Variants in RNF220 observed in about 807,000 individuals in gnomAD.
RNF220 encodes the protein E3 ubiquitin-protein ligase RNF220.
In RNF220, 7 loss-of-function variants were observed where a neutral mutation model predicts 67.1. That is an observed-to-expected ratio of 0.10 (90% confidence interval 0.06 to 0.20). RNF220 has a LOEUF of 0.20. Ranked by LOEUF, RNF220 falls within the 10% of genes least tolerant of loss-of-function variation. RNF220 has a pLI of 1.00. For synonymous variants in RNF220, 270 were observed against 283.2 expected (o/e 0.95, Z 0.47); for missense variants, 565 against 740.3 (o/e 0.76, Z 2.75).
chr1:44,436,451 A>G (rs1351858766), intron 2 of RNF220, among the ~76,000 whole-genome samples: 2 of 152,144 alleles, frequency 1.3e-5, no homozygotes, highest in African/African-American at 2.4e-5. Context: ...GAAAGAGGAA[A>G]AGGCCCAACA....
chr1:44,551,119 CTTTTTTTTTT>C lies in RNF220; in HGVS notation c.626-63034_626-63025del, dbSNP rs386366846. ...GTTTACTGTCATCTTCACTTCTTGCCTTTTTTTTTTTTTTTTTTTTTGAGGCGCTCTGTCG... is the reference window on the plus strand; with the variant it reads ...GTTTACTGTCATCTTCACTTCTTGCCTTTTTTTTTTTGAGGCGCTCTGTCG... On this transcript the variant is annotated intron_variant, in intron 2 of 14. Coordinates refer to ENST00000361799, the MANE Select transcript of RNF220 (RefSeq NM_018150.4). Among the ~76,000 whole-genome samples the C allele has an allele frequency of 1.1e-4, 11 of 97,482 alleles. No homozygotes were observed. The East Asian group carries it at 3.1e-3, about 27-fold the overall frequency. The allele number at this position is 97,482 out of a possible 152,430, so 64.0% of individuals were successfully genotyped here. A position where few individuals can be genotyped will look rare whatever the true frequency, so the allele number is the denominator to read the frequency against.
rs1644745229 is a variant in RNF220 at position 44,649,897 on chromosome 1, G to A, written c.1569G>A (p.Met523Ile). The A allele has an allele frequency of 6.2e-7, 1 of 1,613,946 alleles. No individual in the cohort carries two copies. Among genetic ancestry groups the A allele is most frequent in the African/African-American group, 1.3e-5 (1 of 74,902 alleles). Residue 523 changes from methionine to isoleucine, a missense_variant, in exon 14 of 15, where the codon ATG (methionine) becomes ATA (isoleucine). Transcript: ENST00000361799. This position sits in a 1 kb window ranked among gnomAD's most constrained non-coding sequence, Gnocchi z 5.9. ...KCLICMDSYSMPLTSIQCWHV... is the reference protein window; with the variant it reads ...KCLICMDSYSIPLTSIQCWHV... The stretch of plus-strand genomic sequence containing the variant: ...CTCCTCCCTAGGACTCGTACTCGAT[G>A]CCCCTAACGTCCATCCAGTGTTGGC...
At chr1:44,509,595 A>C (rs1257859826) in intron 2 of RNF220, among the ~76,000 whole-genome samples, 2 of 151,292 alleles carry the variant, frequency 1.3e-5, no homozygotes, top group Admixed American at 6.6e-5. Context: ...AAGAAAAAGA[A>C]AATACGCATA....
intron 2 of RNF220, among the ~76,000 whole-genome samples, chr1:44,553,920 T>C (rs1662869392): frequency 6.6e-6 from 1 of 152,146 alleles, no homozygotes; most frequent in South Asian, 2.1e-4. Context: ...TGACCACGGC[T>C]GCAGGAGGAG....
Position 44,622,866 on chromosome 1 carries a change from G to C in RNF220, c.804+79G>C. 1 of 1,248,618 alleles carries C rather than the reference G, an allele frequency of 8.0e-7. No individual in the cohort carries two copies. The highest frequency in any genetic ancestry group is 1.2e-6 in the Non-Finnish European group (1 of 854,140). The allele number at this position is 1,248,618 out of a possible 1,614,324, so 77.3% of individuals were successfully genotyped here. A position where few individuals can be genotyped will look rare whatever the true frequency, so the allele number is the denominator to read the frequency against. On this transcript the variant is annotated intron_variant, in intron 4 of 14. Coordinates refer to ENST00000361799, the MANE Select transcript of RNF220 (RefSeq NM_018150.4). This position sits in a 1 kb window ranked among gnomAD's most constrained non-coding sequence, Gnocchi z 4.3. ...AGAACTGGTTCCTCCTGAGAAAAAG[G>C]AGCTTTTCTAGTATCCTCAACTATC...
intron 2 of RNF220, among the ~76,000 whole-genome samples, chr1:44,537,284 T>A (rs555287805): frequency 2.8e-4 from 42 of 152,280 alleles, no homozygotes; most frequent in Non-Finnish European, 4.7e-4. Context: ...TTTGAACATA[T>A]CCAGTGATGG....
intron 2 of RNF220, among the ~76,000 whole-genome samples, chr1:44,605,707 T>C (rs973490024): frequency 3.9e-5 from 6 of 152,112 alleles, no homozygotes; most frequent in Admixed American, 1.3e-4. Flanking sequence ...TGGAGGAGTC[T>C]GGGAAGGCCA....
chr1:44,433,618 G>C (rs1650643106), intron 2 of RNF220, among the ~76,000 whole-genome samples: 1 of 152,162 alleles, frequency 6.6e-6, no homozygotes, highest in Admixed American at 6.5e-5. Context: ...TTTTTGTTTG[G>C]TAAGTGCAAA....
At chr1:44,537,293 G>A (rs143610145) in intron 2 of RNF220, among the ~76,000 whole-genome samples, 10 of 152,136 alleles carry the variant, frequency 6.6e-5, no homozygotes, top group Non-Finnish European at 1.3e-4. Flanking sequence ...ATCCAGTGAT[G>A]GGAATCCTGC....
At chr1:44,441,471 G>A (rs2147898076) in intron 2 of RNF220, among the ~76,000 whole-genome samples, 1 of 152,252 alleles carries the variant, frequency 6.6e-6, no homozygotes, top group East Asian at 1.9e-4. Context: ...TACAGAACAG[G>A]AATAATAAAG....
chr1:44,526,694 C>T (rs1660404637), intron 2 of RNF220, among the ~76,000 whole-genome samples: 1 of 152,166 alleles, frequency 6.6e-6, no homozygotes, highest in Non-Finnish European at 1.5e-5. Context: ...CTCAAATCTC[C>T]CCTTTAAATC....
rs182701979 is a variant in RNF220, at chr1:44,565,118, C to T, written c.626-49047C>T. ...CTTAGGACATGCTTGGTCAGCACTCCGTGAATAAATGAATGAGTGAGTGAA... is the reference window on the plus strand; with the variant it reads ...CTTAGGACATGCTTGGTCAGCACTCTGTGAATAAATGAATGAGTGAGTGAA... On this transcript the variant is annotated intron_variant, in intron 2 of 14. Coordinates refer to ENST00000361799, the MANE Select transcript of RNF220 (RefSeq NM_018150.4). The surrounding 1 kb of genome is among the most constrained non-coding windows in gnomAD (Gnocchi z 4.2). 5.9e-5 allele frequency among the ~76,000 whole-genome samples: 9 copies of T among 152,308 alleles called. No individual in the cohort carries two copies. In the East Asian group the frequency reaches 9.6e-4, roughly 16 times the overall value.
Position 44,626,346 on chromosome 1 carries a change from C to T in RNF220, c.854C>T (p.Ala285Val), listed in dbSNP as rs1643937903. Reference protein sequence around the residue: ...SIKREGESPTASPHSSATDDL... With the variant: ...SIKREGESPTVSPHSSATDDL... ...AAGAGGGAAGGAGAGTCTCCAACGG[C>T]ATCACCCCACTCATCTGCCACCGAT... Residue 285 changes from alanine to valine, a missense_variant, in exon 5 of 15, where the codon GCA (alanine) becomes GTA (valine). Transcript: ENST00000361799. 2 of 1,613,826 alleles carry T rather than the reference C, an allele frequency of 1.2e-6. No homozygotes were observed. Among genetic ancestry groups the T allele is most frequent in the East Asian group, 2.2e-5 (1 of 44,844 alleles).
At chr1:44,504,432 C>T (rs1658229708) in intron 2 of RNF220, among the ~76,000 whole-genome samples, 1 of 152,166 alleles carries the variant, frequency 6.6e-6, no homozygotes, top group Admixed American at 6.5e-5. Context: ...CCTTCTGAGC[C>T]TTGACTGGCC....
chr1:44,545,757 A>ATTTT (rs11372709), intron 2 of RNF220, among the ~76,000 whole-genome samples: 1 of 140,730 alleles, frequency 7.1e-6, no homozygotes, highest in Non-Finnish European at 1.5e-5. Flanking sequence ...CAGAAACCCA[A>ATTTT]TTTTTTTTTT....
intron 2 of RNF220, among the ~76,000 whole-genome samples, chr1:44,567,591 A>C (rs6670379): frequency 0.32 from 48,459 of 151,588 alleles, 8,283 homozygotes; most frequent in African/African-American, 0.44. Context: ...GCCTACCCTT[A>C]CTGGGGCAGG....
chr1:44,420,413 G>A (rs1649080500), intron 2 of RNF220, among the ~76,000 whole-genome samples: 1 of 152,154 alleles, frequency 6.6e-6, no homozygotes, highest in African/African-American at 2.4e-5. Context: ...TGTAGGGAGG[G>A]GGCAAGGGCC....
chr1:44,507,595 G>A (rs919642831), intron 2 of RNF220, among the ~76,000 whole-genome samples: 1 of 152,034 alleles, frequency 6.6e-6, no homozygotes, highest in Non-Finnish European at 1.5e-5. Flanking sequence ...CCCTGTCAGA[G>A]CCTTTAGGGG....
intron 2 of RNF220, among the ~76,000 whole-genome samples, chr1:44,538,320 G>GT (rs963881568): frequency 1.2e-4 from 18 of 152,066 alleles, no homozygotes; most frequent in African/African-American, 4.1e-4. Context: ...CCCTATAAAT[G>GT]TTTTTTTAAT....
Sources: gnomAD v4.1 joint callset for allele counts (sites outside exome capture counted in the v4.1 genomes callset) on GRCh38, gnomAD v4.1.1 for gene constraint, Gnocchi (gnomAD v3.1) non-coding constraint, MANE v1.5 for transcripts, NCBI Gene and HGNC (gene_info 2026-07-23, HGNC 2026-07-21) for gene names.